The following GNAO1 variants were observed in gnomAD, a reference collection of about 807,000 sequenced individuals.
GNAO1 encodes the protein G protein subunit alpha o1.
For synonymous variants in GNAO1, 164 were observed against 180.7 expected (o/e 0.91, Z 0.74); for missense variants, 166 against 478.7 (o/e 0.35, Z 6.10).
intron 2 of GNAO1, among the ~76,000 whole-genome samples, chr16:56,199,461 C>G (rs2036262603): frequency 6.6e-6 from 1 of 152,172 alleles, no homozygotes; most frequent in African/African-American, 2.4e-5. Context: ...GGAGACAGCC[C>G]TAGCGTTCAC....
At chr16:56,277,525 A>G (rs1378002064) in intron 3 of GNAO1, among the ~76,000 whole-genome samples, 1 of 152,172 alleles carries the variant, frequency 6.6e-6, no homozygotes. Context: ...CTTCTTAATA[A>G]CAATAGTAGG....
At chr16:56,247,695 C>T (rs534286475) in intron 2 of GNAO1, among the ~76,000 whole-genome samples, 260 of 152,216 alleles carry the variant, frequency 1.7e-3, no homozygotes, top group African/African-American at 6.1e-3. Context: ...TAAAAATAAG[C>T]ACTTGTCTCC....
At chr16:56,315,439 A>C (rs550532250) in intron 3 of GNAO1, among the ~76,000 whole-genome samples, 1 of 152,282 alleles carries the variant, frequency 6.6e-6, no homozygotes, top group East Asian at 1.9e-4. Context: ...TGAGGGCATC[A>C]TGGATTTGGA....
At chr16:56,220,143 C>A (rs1030480827) in intron 2 of GNAO1, among the ~76,000 whole-genome samples, 1 of 152,016 alleles carries the variant, frequency 6.6e-6, no homozygotes, top group African/African-American at 2.4e-5. Flanking sequence ...TATCTTTGGC[C>A]TCTTTTTGCA....
At chr16:56,210,182 A>G (rs1346781196) in intron 2 of GNAO1, among the ~76,000 whole-genome samples, 4 of 152,102 alleles carry the variant, frequency 2.6e-5, no homozygotes, top group African/African-American at 9.7e-5. Context: ...GCCTTTTCAG[A>G]TTGGCTTTTT....
intron 2 of GNAO1, among the ~76,000 whole-genome samples, chr16:56,205,753 C>A (rs1197909184): frequency 1.3e-5 from 2 of 152,152 alleles, no homozygotes; most frequent in African/African-American, 4.8e-5. Context: ...AGACAAGCTC[C>A]CTGCCTCAAG....
At chr16:56,343,257 G>T (rs1056519779) in intron 6 of GNAO1, among the ~76,000 whole-genome samples, 29 of 151,976 alleles carry the variant, frequency 1.9e-4, no homozygotes, top group Non-Finnish European at 1.9e-4. Flanking sequence ...GGGAGGCTGA[G>T]ATGAGAGGAT....
chr16:56,215,645 C>T (rs951306004), intron 2 of GNAO1, among the ~76,000 whole-genome samples: 4 of 152,210 alleles, frequency 2.6e-5, no homozygotes, highest in Admixed American at 6.5e-5. Context: ...AGGCTGTAAA[C>T]CTCCTGTGGA....
chr16:56,205,810 G>A (rs895846702), intron 2 of GNAO1, among the ~76,000 whole-genome samples: 1 of 152,154 alleles, frequency 6.6e-6, no homozygotes, highest in African/African-American at 2.4e-5. Context: ...ATAATTGAAG[G>A]CAAAGGTCAT....
chr16:56,235,351 TGAA>T (rs1243803373), intron 2 of GNAO1: 2 of 455,858 alleles, frequency 4.4e-6, no homozygotes, highest in African/African-American at 2.0e-5. Context: ...CATCAACAGA[TGAA>T]GAAGTTGAAT....
intron 3 of GNAO1, among the ~76,000 whole-genome samples, chr16:56,315,564 G>A (rs1344322394): frequency 1.3e-5 from 2 of 152,104 alleles, no homozygotes; most frequent in Admixed American, 1.3e-4. Flanking sequence ...GTAGAACAGG[G>A]GTCTGGACCC....
intron 2 of GNAO1, among the ~76,000 whole-genome samples, chr16:56,236,381 A>G (rs1005619846): frequency 2.6e-5 from 4 of 152,234 alleles, no homozygotes; most frequent in Admixed American, 6.5e-5. Context: ...GAGATCATTC[A>G]GTTTGAATCC....
intron 6 of GNAO1, chr16:56,347,315 G>T (rs1177521593): frequency 3.0e-6 from 3 of 985,338 alleles, no homozygotes; most frequent in Non-Finnish European, 3.6e-6. Context: ...GTGCAGTGCC[G>T]AAGGCAGTCA....
rs570658306 is a variant in GNAO1 at position 56,227,095 on chromosome 16, G to A, written c.161+34479G>A. Among the ~76,000 whole-genome samples the A allele has an allele frequency of 2.5e-4, 38 of 152,280 alleles. No individual in the cohort carries two copies. The South Asian group carries it at 4.8e-3, about 19-fold the overall frequency. On this transcript the variant is annotated intron_variant, in intron 2 of 8. Transcript: ENST00000262493. ...GGGAAAAAGAGGAAGGTGGGGAGGG[G>A]AAACTGTTTGTTTCATTTTGTTTTA...
At chr16:56,214,587 A>G (rs2036422052) in intron 2 of GNAO1, among the ~76,000 whole-genome samples, 1 of 152,254 alleles carries the variant, frequency 6.6e-6, no homozygotes, top group Admixed American at 6.5e-5. Flanking sequence ...GACACTAAAA[A>G]TCATGTGGGT....
rs578129085 is a variant in GNAO1 at position 56,334,938 on chromosome 16, C to T, written c.593+81C>T. 15 of 1,455,384 alleles carry T rather than the reference C, an allele frequency of 1.0e-5. No homozygotes were observed. In the African/African-American group the frequency reaches 1.3e-4, roughly 12 times the overall value. 90.2% of individuals were successfully genotyped at this position (1,455,384 alleles called of 1,614,324 possible). On this transcript the variant is annotated intron_variant, in intron 5 of 8. Coordinates refer to ENST00000262493, the MANE Select transcript of GNAO1 (RefSeq NM_020988.3). ...GCCTCTCAGCGCATTGCGTTTACAGCGCCCAAACATCATCCTGCCCCAGGG... is the reference window on the plus strand; with the variant it reads ...GCCTCTCAGCGCATTGCGTTTACAGTGCCCAAACATCATCCTGCCCCAGGG...
In GNAO1 at chr16:56,326,524, T is replaced by TGGGGAAGCCACACAGGAAGGG. The variant is rs2037634385; in HGVS notation, c.304-2106_304-2086dup. Among the ~76,000 whole-genome samples, 1 of 152,186 alleles carries TGGGGAAGCCACACAGGAAGGG rather than the reference T, an allele frequency of 6.6e-6. No individual in the cohort carries two copies. The highest frequency in any genetic ancestry group is 2.1e-4 in the South Asian group (1 of 4,818). On this transcript the variant is annotated intron_variant, in intron 3 of 8. Coordinates refer to ENST00000262493, the MANE Select transcript of GNAO1 (RefSeq NM_020988.3). The surrounding 1 kb of genome is among the most constrained non-coding windows in gnomAD (Gnocchi z 4.8). ...GTCATTTCAGGAAGCACCGAGGAAG[T>TGGGGAAGCCACACAGGAAGGG]GGGGAAGCCACACAGGAAGGGAGGG...
intron 2 of GNAO1, among the ~76,000 whole-genome samples, chr16:56,221,651 C>CAAAAAAAAAAAAAAAAAAAAAAAA (rs11306838): frequency 1.2e-5 from 1 of 83,860 alleles, no homozygotes. Context: ...GACTGCATCT[C>CAAAAAAAAAAAAAAAAAAAAAAAA]AAAAAAAAAA....
intron 6 of GNAO1, among the ~76,000 whole-genome samples, chr16:56,337,366 G>C (rs1265439515): frequency 6.6e-6 from 1 of 152,226 alleles, no homozygotes; most frequent in African/African-American, 2.4e-5. Flanking sequence ...GGGGTGCTGG[G>C]GAGCAGTGTG....
Sources: allele counts gnomAD v4.1 joint callset (sites outside exome capture counted in the v4.1 genomes callset), GRCh38; gene constraint gnomAD v4.1.1; non-coding constraint Gnocchi (gnomAD v3.1); transcripts MANE v1.5; gene names NCBI Gene and HGNC (gene_info 2026-07-23, HGNC 2026-07-21).